CACNA1B: variants seen among roughly 807,000 people sequenced by gnomAD.
CACNA1B encodes calcium voltage-gated channel subunit alpha1 B.
In CACNA1B, 70 loss-of-function variants were observed where a neutral mutation model predicts 247.2. The ratio of observed to expected loss-of-function variants is 0.28; its 90% CI spans 0.23 to 0.35. The LOEUF is 0.35. CACNA1B is among the 10% of genes least tolerant of loss of function. The probability of loss-of-function intolerance (pLI) is 1.00; values close to 1 mark genes in which losing one functional copy is unlikely to be tolerated. For synonymous variants in CACNA1B, 1,231 were observed against 1,294.4 expected (o/e 0.95, Z 1.05); for missense variants, 2,367 against 3,197.4 (o/e 0.74, Z 6.26).
chr9:138,046,769 A>G, intron 21 of CACNA1B, 135 bp from the exon 22 acceptor site: 1 of 799,076 alleles, frequency 1.3e-6, no homozygotes, highest in Admixed American at 2.7e-5. Flanking sequence ...GACCATTAGC[A>G]AAGCGAAGCT....
chr9:138,008,912 G>A lies in CACNA1B; in HGVS notation c.2093-1098G>A, dbSNP rs192546419. On this transcript the variant is annotated intron_variant, in intron 16 of 46. Coordinates refer to ENST00000371372, the MANE Select transcript of CACNA1B (RefSeq NM_000718.4). ...GAGGATTGCCCAGCCCCAAATGCCAGCAGGGCCTGGGCTGAGAAACCTGGA... is the reference window on the plus strand; with the variant it reads ...GAGGATTGCCCAGCCCCAAATGCCAACAGGGCCTGGGCTGAGAAACCTGGA... Among the ~76,000 whole-genome samples, 129 of 152,352 alleles carry A rather than the reference G, an allele frequency of 8.5e-4. 1 individual carries two copies. Among genetic ancestry groups the A allele is most frequent in the African/African-American group, 2.5e-3 (105 of 41,576 alleles).
chr9:137,885,529 T>G (rs1180275609), intron 3 of CACNA1B, among the ~76,000 whole-genome samples: 2 of 138,752 alleles, frequency 1.4e-5, no homozygotes, highest in African/African-American at 5.5e-5. Context: ...GGCCTGTTGC[T>G]TGGCAAAGCC....
Position 138,121,017 on chromosome 9 carries a change from T to C in CACNA1B, c.6489+136T>C. ...TCCCAGCAACCCAAGGGCCGGGCGC[T>C]CCCCTCTGTGCCCTGTCCCGGAGCC... On this transcript the variant is annotated intron_variant, in intron 46 of 46. Transcript: ENST00000371372. The surrounding 1 kb of genome is among the most constrained non-coding windows in gnomAD (Gnocchi z 6.8). 3 of 1,036,204 alleles carry C rather than the reference T, an allele frequency of 2.9e-6. No individual in the cohort carries two copies. Among genetic ancestry groups the C allele is most frequent in the Non-Finnish European group, 4.1e-6 (3 of 728,030 alleles). The allele number at this position is 1,036,204 out of a possible 1,614,324, so 64.2% of individuals were successfully genotyped here.
In CACNA1B at chr9:138,105,701, C is replaced by T; in HGVS notation, c.5322C>T (p.Arg1774=). The change falls in exon 39 of 47, where the codon CGC becomes CGT. Residue 1774 remains arginine, a splice_region_variant and synonymous_variant. Transcript: ENST00000371372. The part of the protein sequence containing the change: ...KKCPARVAYK[R]LVRMNMPISN... ...TGACCGGCCCTGCTTGTCCCTAGCG[C>T]CTGGTTCGCATGAACATGCCCATCT... The T allele has an allele frequency of 6.5e-7, 1 of 1,546,170 alleles. No homozygotes were observed. Among genetic ancestry groups the T allele is most frequent in the Non-Finnish European group, 8.8e-7 (1 of 1,142,536 alleles).
chr9:138,106,214 C>A (rs1342162446), intron 39 of CACNA1B, among the ~76,000 whole-genome samples: 2 of 152,132 alleles, frequency 1.3e-5, no homozygotes, highest in Non-Finnish European at 2.9e-5. Flanking sequence ...TGGACAGTAC[C>A]ACAGAGCGAT....
chr9:138,103,735 A>G (rs1398068621), intron 38 of CACNA1B, among the ~76,000 whole-genome samples: 1 of 152,156 alleles, frequency 6.6e-6, no homozygotes, highest in Non-Finnish European at 1.5e-5. Flanking sequence ...ACGTGCCTAG[A>G]GCTTTTCTGA....
At chr9:138,063,285 G>A (rs918244201) in intron 31 of CACNA1B, among the ~76,000 whole-genome samples, 1 of 152,172 alleles carries the variant, frequency 6.6e-6, no homozygotes, top group African/African-American at 2.4e-5. Flanking sequence ...TTCAGCCTAG[G>A]AGTTGGAGAC....
intron 18 of CACNA1B, among the ~76,000 whole-genome samples, chr9:138,021,056 C>A (rs991415740): frequency 9.2e-5 from 14 of 152,206 alleles, no homozygotes; most frequent in Non-Finnish European, 1.8e-4. Context: ...CAGTGAACAG[C>A]CTCCGCCCTC....
rs376841652 is a variant in CACNA1B at position 137,948,331 on chromosome 9, C to T, written c.967-3943C>T. Reference sequence around the variant, plus strand: ...TGTCCTTTTTCACCTGTCTTTAGTGCTCTGATGACATGAATATCAGATCAT... The same window carrying T: ...TGTCCTTTTTCACCTGTCTTTAGTGTTCTGATGACATGAATATCAGATCAT... On this transcript the variant is annotated intron_variant, in intron 6 of 46. Coordinates refer to ENST00000371372, the MANE Select transcript of CACNA1B (RefSeq NM_000718.4). Among the ~76,000 whole-genome samples the T allele has an allele frequency of 9.2e-5, 14 of 152,272 alleles. 1 individual carries two copies. The East Asian group carries it at 2.5e-3, about 27-fold the overall frequency.
At chr9:138,117,465 C>G (rs1337482177) in intron 42 of CACNA1B, among the ~76,000 whole-genome samples, 1 of 152,226 alleles carries the variant, frequency 6.6e-6, no homozygotes, top group Non-Finnish European at 1.5e-5. Flanking sequence ...GACAGCTTCT[C>G]TTGCTGTCTG....
chr9:137,979,021 C>T (rs910300056), intron 12 of CACNA1B, among the ~76,000 whole-genome samples: 5 of 152,158 alleles, frequency 3.3e-5, no homozygotes, highest in Admixed American at 2.0e-4. Context: ...CCAAGGGAGC[C>T]GAAGAGATGG....
At position 137,971,950 on chromosome 9, in the gene CACNA1B, G is replaced by A. The variant is rs939472477; in HGVS notation, c.1543+358G>A. 6.6e-6 allele frequency among the ~76,000 whole-genome samples: 1 copy of A among 152,258 alleles called. No homozygotes were observed. Among genetic ancestry groups the A allele is most frequent in the Admixed American group, 6.5e-5 (1 of 15,304 alleles). ...GCAGATGGGTGTCCTCCCCTGAGAG[G>A]GCTTCAGACCCACAGACAGGGGACT... On this transcript the variant is annotated intron_variant, in intron 11 of 46. Coordinates refer to ENST00000371372, the MANE Select transcript of CACNA1B (RefSeq NM_000718.4). The surrounding 1 kb of genome is among the most constrained non-coding windows in gnomAD (Gnocchi z 4.4).
At chr9:137,904,188 C>T (rs535937547) in intron 3 of CACNA1B, among the ~76,000 whole-genome samples, 1 of 152,256 alleles carries the variant, frequency 6.6e-6, no homozygotes, top group East Asian at 1.9e-4. Flanking sequence ...CTCTGGACCA[C>T]TGGGGCTCAC....
At chr9:138,094,189 G>A (rs1183186427) in intron 36 of CACNA1B, among the ~76,000 whole-genome samples, 1 of 152,186 alleles carries the variant, frequency 6.6e-6, no homozygotes, top group Non-Finnish European at 1.5e-5. Flanking sequence ...GACACTGTAT[G>A]ATTCCACTTA....
intron 36 of CACNA1B, among the ~76,000 whole-genome samples, chr9:138,092,925 A>G (rs1266900495): frequency 6.6e-6 from 1 of 152,240 alleles, no homozygotes; most frequent in Admixed American, 6.5e-5. Flanking sequence ...TGACAAGACA[A>G]CTTGCAGAAT....
chr9:137,882,446 G>A lies in CACNA1B; in HGVS notation c.391-298G>A, dbSNP rs149208632. Among the ~76,000 whole-genome samples the A allele has an allele frequency of 1.6e-4, 25 of 152,328 alleles. No homozygotes were observed. The highest frequency in any genetic ancestry group is 6.2e-4 in the South Asian group (3 of 4,834). On this transcript the variant is annotated intron_variant, in intron 2 of 46. Coordinates refer to ENST00000371372, the MANE Select transcript of CACNA1B (RefSeq NM_000718.4). This position sits in a 1 kb window ranked among gnomAD's most constrained non-coding sequence, Gnocchi z 4.0. ...AGGGAGATTGGGGCCCCACTGTGAC[G>A]TGGGCAGAAGCTGAGATGCCAGGGT...
At chr9:137,993,781 T>G (rs1958463800) in intron 15 of CACNA1B, among the ~76,000 whole-genome samples, 1 of 152,140 alleles carries the variant, frequency 6.6e-6, no homozygotes, top group African/African-American at 2.4e-5. Context: ...AAAGAAGAAT[T>G]GGTACCAATC....
intron 11 of CACNA1B, among the ~76,000 whole-genome samples, chr9:137,972,417 A>G (rs1007870198): frequency 1.2e-4 from 18 of 151,944 alleles, no homozygotes; most frequent in African/African-American, 4.3e-4. Context: ...GGAGGGCCTC[A>G]GTCTCCCCTT....
At chr9:138,099,046 A>G (rs1291704524) in intron 37 of CACNA1B, among the ~76,000 whole-genome samples, 1 of 152,226 alleles carries the variant, frequency 6.6e-6, no homozygotes, top group Non-Finnish European at 1.5e-5. Flanking sequence ...GGACCACTCT[A>G]TGGCTCCTCG....
Sources: allele counts gnomAD v4.1 joint callset (sites outside exome capture counted in the v4.1 genomes callset), GRCh38; gene constraint gnomAD v4.1.1; non-coding constraint Gnocchi (gnomAD v3.1); transcripts MANE v1.5; gene names NCBI Gene and HGNC (gene_info 2026-07-23, HGNC 2026-07-21).